Variants in LHFPL6 observed in about 807,000 individuals in gnomAD.
The protein encoded by LHFPL6 is LHFPL tetraspan subfamily member 6 protein.
In LHFPL6, 9 loss-of-function variants were observed where a neutral mutation model predicts 20.6. The ratio of observed to expected loss-of-function variants is 0.44; its 90% CI spans 0.26 to 0.76. The LOEUF (loss-of-function observed/expected upper bound fraction) is 0.76. LHFPL6 is among the 30% of genes least tolerant of loss of function. The probability of loss-of-function intolerance (pLI) is 0.20; values close to 1 mark genes in which losing one functional copy is unlikely to be tolerated. For missense variants in LHFPL6, 218 were observed against 253.5 expected (o/e 0.86, Z 0.95); for synonymous variants, 105 against 98.7 (o/e 1.06, Z -0.38).
chr13:39,563,105 C>G (rs954216788), intron 2 of LHFPL6, among the ~76,000 whole-genome samples: 1 of 121,704 alleles, frequency 8.2e-6, no homozygotes, highest in Non-Finnish European at 1.9e-5. Context: ...CACACACACA[C>G]ACACACACAC....
intron 2 of LHFPL6, among the ~76,000 whole-genome samples, chr13:39,525,783 C>G (rs1870266680): frequency 6.6e-6 from 1 of 152,142 alleles, no homozygotes; most frequent in Non-Finnish European, 1.5e-5. Context: ...TGCTGAAAAC[C>G]AGTGCATGCA....
intron 2 of LHFPL6, among the ~76,000 whole-genome samples, chr13:39,549,788 T>C (rs560995089): frequency 6.6e-6 from 1 of 152,186 alleles, no homozygotes; most frequent in South Asian, 2.1e-4. Context: ...AACTGACACA[T>C]ATGATACCAA....
At chr13:39,501,827 G>A (rs562009087) in intron 2 of LHFPL6, among the ~76,000 whole-genome samples, 1 of 152,276 alleles carries the variant, frequency 6.6e-6, no homozygotes, top group South Asian at 2.1e-4. Context: ...AACCAGGGCA[G>A]AGAAGCATGA....
At chr13:39,428,666 A>G (rs990457200) in intron 2 of LHFPL6, among the ~76,000 whole-genome samples, 4 of 151,696 alleles carry the variant, frequency 2.6e-5, no homozygotes, top group African/African-American at 9.7e-5. Context: ...GGTTTCATCA[A>G]TTTTCTCTAT....
At chr13:39,345,625 C>T (rs1338463292) in intron 3 of LHFPL6, among the ~76,000 whole-genome samples, 2 of 150,988 alleles carry the variant, frequency 1.3e-5, no homozygotes, top group East Asian at 3.9e-4. Context: ...TGAAGTGAAA[C>T]CTCAATGACA....
At chr13:39,450,254 A>G (rs7337916) in intron 2 of LHFPL6, among the ~76,000 whole-genome samples, 81,604 of 151,532 alleles carry the variant, frequency 0.54, 22,852 homozygotes, top group East Asian at 0.9. Flanking sequence ...AATCTGTCAA[A>G]ACTGACTAAA....
intron 2 of LHFPL6, among the ~76,000 whole-genome samples, chr13:39,408,610 C>A (rs1176612110): frequency 6.6e-6 from 1 of 152,142 alleles, no homozygotes; most frequent in Admixed American, 6.5e-5. Context: ...ATATTTTGTA[C>A]CAAACAAAAA....
At chr13:39,571,917 C>T (rs1156631347) in intron 2 of LHFPL6, among the ~76,000 whole-genome samples, 1 of 152,210 alleles carries the variant, frequency 6.6e-6, no homozygotes, top group East Asian at 1.9e-4. Context: ...CCTACGCTCG[C>T]TTGCTCATGT....
chr13:39,435,058 G>A (rs1233680712), intron 2 of LHFPL6, among the ~76,000 whole-genome samples: 15 of 55,780 alleles, frequency 2.7e-4, no homozygotes, highest in Admixed American at 7.1e-4. Context: ...GCGAGACTCC[G>A]TCTCAAAAAA....
intron 2 of LHFPL6, among the ~76,000 whole-genome samples, chr13:39,427,752 G>C (rs1441248656): frequency 6.6e-6 from 1 of 152,160 alleles, no homozygotes; most frequent in Non-Finnish European, 1.5e-5. Flanking sequence ...ATATGCTTCA[G>C]ATCTATGTCC....
intron 3 of LHFPL6, among the ~76,000 whole-genome samples, chr13:39,357,525 T>C (rs1226567848): frequency 1.3e-5 from 2 of 152,176 alleles, no homozygotes; most frequent in Admixed American, 1.3e-4. Flanking sequence ...AAGTAACAAA[T>C]GGCATCCAAA....
chr13:39,461,970 A>T (rs74717480), intron 2 of LHFPL6, among the ~76,000 whole-genome samples: 3 of 99,382 alleles, frequency 3.0e-5, no homozygotes, highest in Non-Finnish European at 5.2e-5. Context: ...GATTCACTTT[A>T]AAAAAAAAAT....
intron 3 of LHFPL6, among the ~76,000 whole-genome samples, chr13:39,351,461 A>C (rs186331582): frequency 4.4e-4 from 66 of 151,508 alleles, no homozygotes; most frequent in Non-Finnish European, 2.4e-4. Context: ...ATGTATAAAA[A>C]AAGATCTTAA....
At chr13:39,599,000 C>T (rs1872850679) in intron 2 of LHFPL6, among the ~76,000 whole-genome samples, 1 of 152,126 alleles carries the variant, frequency 6.6e-6, no homozygotes, top group Admixed American at 6.5e-5. Flanking sequence ...CTTGGGTATT[C>T]TGTAAAGTAG....
chr13:39,369,597 T>TCCCTCCCTCCCTCCCTC (rs1555258806), intron 3 of LHFPL6, among the ~76,000 whole-genome samples: 1 of 87,376 alleles, frequency 1.1e-5, no homozygotes, highest in Non-Finnish European at 2.4e-5. Flanking sequence ...CTTCCTTCCT[T>TCCCTCCCTCCCTCCCTC]CCTCCCTCTC....
At chr13:39,450,261 T>A (rs7319652) in intron 2 of LHFPL6, among the ~76,000 whole-genome samples, 81,602 of 151,528 alleles carry the variant, frequency 0.54, 22,849 homozygotes, top group East Asian at 0.9. Context: ...CAAAACTGAC[T>A]AAAGCTTAAA....
At position 39,434,779 on chromosome 13, in the gene LHFPL6, G is replaced by A. The variant is rs368262403; in HGVS notation, c.386-56253C>T. 3.0e-3 allele frequency among the ~76,000 whole-genome samples: 459 copies of A among 152,284 alleles called. 8 individuals are homozygous for A. In the South Asian group the frequency reaches 0.038, roughly 12 times the overall value. On this transcript the variant is annotated intron_variant, in intron 2 of 3. Coordinates refer to ENST00000379589, the MANE Select transcript of LHFPL6 (RefSeq NM_005780.3). ...CCTTGATAAAGAAGTAAATCAGGCT[G>A]GGCGCGGTGGCTCACGCCTGTAATC...
At chr13:39,354,626 C>CCCGAGGAAACCAGTAAAATAAT (rs1869679554) in intron 3 of LHFPL6, among the ~76,000 whole-genome samples, 1 of 152,020 alleles carries the variant, frequency 6.6e-6, no homozygotes, top group African/African-American at 2.4e-5. Flanking sequence ...TAAAATCCAA[C>CCCGAGGAAACCAGTAAAATAAT]CCGAGGAAAC....
chr13:39,463,467 T>C (rs1168204068), intron 2 of LHFPL6, among the ~76,000 whole-genome samples: 1 of 152,186 alleles, frequency 6.6e-6, no homozygotes, highest in Non-Finnish European at 1.5e-5. Context: ...CTATTCAGCA[T>C]AACAAAAGAA....
Sources: gnomAD v4.1 joint callset for allele counts (sites outside exome capture counted in the v4.1 genomes callset) on GRCh38, gnomAD v4.1.1 for gene constraint, MANE v1.5 for transcripts, NCBI Gene and HGNC (gene_info 2026-07-23, HGNC 2026-07-21) for gene names.